The following SNX8 variants were observed in gnomAD, a reference collection of about 807,000 sequenced individuals.
SNX8 encodes the protein sorting nexin-8.
SNX8 carries 25 observed loss-of-function variants against 51.6 expected under a neutral mutation model. The observed-to-expected ratio is 0.48, with a 90% CI of 0.35 to 0.68. The LOEUF (loss-of-function observed/expected upper bound fraction) is 0.68, where lower values mean the gene tolerates loss of function less well. Ranked by LOEUF, SNX8 falls within the 30% of genes least tolerant of loss-of-function variation. The probability of loss-of-function intolerance (pLI) is 0.00; values close to 1 mark genes in which losing one functional copy is unlikely to be tolerated. For missense variants in SNX8, 695 were observed against 624.0 expected, an observed-to-expected ratio of 1.11 and a Z score of -1.21; for synonymous variants, 324 against 277.0, an observed-to-expected ratio of 1.17 and a Z score of -1.68.
chr7:2,293,190 C>T (rs982254509), intron 1 of SNX8, among the ~76,000 whole-genome samples: 3 of 148,564 alleles, frequency 2.0e-5, no homozygotes, highest in Admixed American at 1.3e-4. Context: ...ATCACATGAG[C>T]GCAGGTCTCC....
intron 1 of SNX8, among the ~76,000 whole-genome samples, chr7:2,293,030 A>G (rs1439713929): frequency 1.3e-5 from 2 of 151,604 alleles, no homozygotes; most frequent in East Asian, 2.0e-4. Context: ...TAAAAATAAT[A>G]AGTAAATACA....
At position 2,252,612 on chromosome 7, in the gene SNX8, GCTGCCCTCCAGCCCCCCCTTCACC is replaced by G. The variant is rs1276455977; in HGVS notation, c.*2420_*2443del. The G allele has an allele frequency of 2.0e-5, 3 of 149,164 alleles. No individual in the cohort carries two copies. The highest frequency in any genetic ancestry group is 7.5e-5 in the African/African-American group (3 of 39,778). The allele number at this position is 149,164 out of a possible 1,614,324, so 9.2% of individuals were successfully genotyped here. On this transcript the variant is annotated 3_prime_UTR_variant, in exon 11 of 11. Coordinates refer to ENST00000222990, the MANE Select transcript of SNX8 (RefSeq NM_013321.4). ...TGGGAGACAGGCTGCCCTCGTCACC[GCTGCCCTCCAGCCCCCCCTTCACC>G]CTGCCCTCCTGACCCTCCCACCCCT... is the stretch of plus-strand genomic sequence containing the variant.
chr7:2,277,202 A>G (rs1029163954), intron 2 of SNX8, among the ~76,000 whole-genome samples: 10 of 152,166 alleles, frequency 6.6e-5, no homozygotes, highest in Non-Finnish European at 1.5e-4. Flanking sequence ...ATCTGTCGTA[A>G]TGGAACTGAG....
intron 1 of SNX8, among the ~76,000 whole-genome samples, chr7:2,333,106 G>T (rs186313485): frequency 1.3e-5 from 2 of 150,670 alleles, no homozygotes; most frequent in East Asian, 4.0e-4. Flanking sequence ...AGAGACGGGG[G>T]TCTCACTATG....
chr7:2,293,232 G>A (rs1796193212), intron 1 of SNX8, among the ~76,000 whole-genome samples: 2 of 147,602 alleles, frequency 1.4e-5, no homozygotes, highest in African/African-American at 2.5e-5. Flanking sequence ...CACCCACCTC[G>A]GCCTCCCAAA....
chr7:2,279,889 T>C (rs1161421316), intron 1 of SNX8, among the ~76,000 whole-genome samples: 2 of 152,048 alleles, frequency 1.3e-5, no homozygotes, highest in Non-Finnish European at 2.9e-5. Context: ...AAGTGAAATA[T>C]GTACAAGTTT....
intron 1 of SNX8, among the ~76,000 whole-genome samples, chr7:2,312,197 G>C (rs547009840): frequency 1.3e-5 from 2 of 152,190 alleles, no homozygotes; most frequent in African/African-American, 4.8e-5. Flanking sequence ...ACACCAAAGG[G>C]AGGGCGGTCT....
rs1391100642 is a variant in SNX8, at chr7:2,258,184, GTATTTC to G, written c.916-387_916-382del. Among the ~76,000 whole-genome samples, 640 of 152,104 alleles carry G rather than the reference GTATTTC, an allele frequency of 4.2e-3. 5 individuals carry two copies. The highest frequency in any genetic ancestry group is 0.014 in the African/African-American group (600 of 41,496). On this transcript the variant is annotated intron_variant, in intron 7 of 10. Transcript: ENST00000222990. ...CTCCACCATGCCCGGCTAATTTTTT[GTATTTC>G]TTTTTTTAGTAGAGACGGGGTTTCA...
chr7:2,279,289 G>A (rs1219774611), intron 1 of SNX8, among the ~76,000 whole-genome samples: 2 of 139,780 alleles, frequency 1.4e-5, no homozygotes, highest in Admixed American at 1.4e-4. Flanking sequence ...CTCACACTAC[G>A]GAGTCGAAGC....
intron 1 of SNX8, among the ~76,000 whole-genome samples, chr7:2,341,373 C>T (rs1219375772): frequency 2.7e-5 from 4 of 150,864 alleles, no homozygotes; most frequent in African/African-American, 7.3e-5. Context: ...GTGGCAGGTG[C>T]CTGTAATCCC....
chr7:2,264,509 T>A, intron 5 of SNX8, 51 bp from the exon 6 acceptor site: 1 of 1,561,868 alleles, frequency 6.4e-7, no homozygotes, highest in Non-Finnish European at 8.7e-7. Flanking sequence ...GGGGAGCACC[T>A]GTCAGACGGC....
rs963164662 is a variant in SNX8, at chr7:2,347,303, G to T, written c.-66+6919C>A. 3.3e-5 allele frequency among the ~76,000 whole-genome samples: 5 copies of T among 152,018 alleles called. No homozygotes were observed. The East Asian group carries it at 9.7e-4, about 29-fold the overall frequency. ...TTGAGACCAGCCTGGCTAACACGGC[G>T]AAACCTGTTTCTAATAAAAATACAA... On this transcript the variant is annotated intron_variant, in intron 1 of 5. Transcript: ENST00000435336.
rs1397791319 is a variant in SNX8 at position 2,267,565 on chromosome 7, C to T, written c.621+1994G>A. ...CTAACCGCGAGTGATCCGCCAACCT[C>T]GGCCTCCCGAGGTGCCGGGATTGCA... On this transcript the variant is annotated intron_variant, in intron 5 of 10. Coordinates refer to ENST00000222990, the MANE Select transcript of SNX8 (RefSeq NM_013321.4). Among the ~76,000 whole-genome samples the T allele has an allele frequency of 1.6e-3, 220 of 136,218 alleles. 1 individual carries two copies. In the East Asian group the frequency reaches 0.017, roughly 11 times the overall value. The allele number at this position is 136,218 out of a possible 152,430, so 89.4% of individuals were successfully genotyped here. A position where few individuals can be genotyped will look rare whatever the true frequency, so the allele number is the denominator to read the frequency against.
chr7:2,282,793 G>A (rs1795937153), intron 1 of SNX8, among the ~76,000 whole-genome samples: 4 of 152,220 alleles, frequency 2.6e-5, no homozygotes, highest in East Asian at 1.9e-4. Flanking sequence ...CCTGGCCAAC[G>A]TGGCGAAATT....
In SNX8 at chr7:2,309,764, C is replaced by T. The variant is rs551141131; in HGVS notation, c.94+4564G>A. ...AAAAAGTATAAACTTTAAGTGACAGCGCAATGAATTCTGACCAACGTATTC... is the reference window on the plus strand; with the variant it reads ...AAAAAGTATAAACTTTAAGTGACAGTGCAATGAATTCTGACCAACGTATTC... On this transcript the variant is annotated intron_variant, in intron 1 of 10. Coordinates refer to ENST00000222990, the MANE Select transcript of SNX8 (RefSeq NM_013321.4). 4.1e-4 allele frequency: 191 copies of T among 465,976 alleles called. 3 individuals are homozygous for T. The highest frequency in any genetic ancestry group is 3.0e-3 in the South Asian group (189 of 63,046). The allele number at this position is 465,976 out of a possible 1,614,324, so 28.9% of individuals were successfully genotyped here.
chr7:2,336,434 C>A (rs1017259456), intron 1 of SNX8, among the ~76,000 whole-genome samples: 3 of 151,932 alleles, frequency 2.0e-5, no homozygotes, highest in Non-Finnish European at 4.4e-5. Flanking sequence ...AAATGCTGGG[C>A]GTGGTGGCTC....
chr7:2,324,102 C>G (rs1317776849), intron 1 of SNX8, among the ~76,000 whole-genome samples: 1 of 150,432 alleles, frequency 6.6e-6, no homozygotes, highest in African/African-American at 2.4e-5. Context: ...CCTGGGGTGG[C>G]AAGGGCAAGA....
chr7:2,307,172 C>T (rs2115198264), intron 1 of SNX8, among the ~76,000 whole-genome samples: 1 of 152,300 alleles, frequency 6.6e-6, no homozygotes, highest in African/African-American at 2.4e-5. Flanking sequence ...CACACCCCTC[C>T]TCAGTCCTCC....
In SNX8 at chr7:2,278,287, G is replaced by A. The variant is rs1562434452; in HGVS notation, c.113C>T (p.Ala38Val). The change falls in exon 2 of 11, where the codon GCC becomes GTC. Residue 38 changes from alanine (A) to valine (V), a missense_variant. Physicochemically the swap from Ala to Val is moderately conservative, Grantham distance 64. Coordinates refer to ENST00000222990, the MANE Select transcript of SNX8 (RefSeq NM_013321.4). Reference sequence around the variant, plus strand: ...CTGCACGATGGCCTGGGGCTCGATGGCCTGGGGTGTCGGCAGATCTGCAGG... The same window carrying A: ...CTGCACGATGGCCTGGGGCTCGATGACCTGGGGTGTCGGCAGATCTGCAGG... ...PPASDLPTPQ[A>V]IEPQAIVQQV... The A allele has an allele frequency of 6.3e-7, 1 of 1,583,180 alleles. No homozygotes were observed. The highest frequency in any genetic ancestry group is 1.7e-5 in the Admixed American group (1 of 58,202).
Sources: gnomAD v4.1 joint callset for allele counts (sites outside exome capture counted in the v4.1 genomes callset) on GRCh38, gnomAD v4.1.1 for gene constraint, MANE v1.5 for transcripts, NCBI Gene and HGNC (gene_info 2026-07-23, HGNC 2026-07-21) for gene names.